The following NELL2 variants were observed in gnomAD, a reference collection of about 807,000 sequenced individuals.
The protein encoded by NELL2 is neural EGFL like 2.
In NELL2, 41 loss-of-function variants were observed where a neutral mutation model predicts 109.6. The ratio of observed to expected loss-of-function variants is 0.37; its 90% CI spans 0.29 to 0.49. The LOEUF is 0.49. NELL2 is among the 20% of genes least tolerant of loss of function. The pLI is 0.98. For synonymous variants in NELL2, 355 were observed against 344.7 expected (o/e 1.03, Z -0.33); for missense variants, 900 against 1,008.3 (o/e 0.89, Z 1.45).
chr12:44,855,037 T>C (rs1944643655), intron 2 of NELL2, among the ~76,000 whole-genome samples: 2 of 152,206 alleles, frequency 1.3e-5, no homozygotes, highest in South Asian at 4.1e-4. Context: ...CTATCCAAAA[T>C]ATTATTCCAA....
chr12:44,694,866 C>T (rs866980702), intron 12 of NELL2, among the ~76,000 whole-genome samples: 1 of 152,114 alleles, frequency 6.6e-6, no homozygotes, highest in African/African-American at 2.4e-5. Flanking sequence ...GTGAGGCTAT[C>T]GCTCATCTTA....
At chr12:44,815,903 G>T in intron 3 of NELL2, 83 bp downstream of exon 3, 1 of 1,463,662 alleles carries the variant, frequency 6.8e-7, no homozygotes, top group Non-Finnish European at 9.2e-7. Flanking sequence ...TACAAGAGAA[G>T]AAAGCTTTTG....
intron 15 of NELL2, among the ~76,000 whole-genome samples, chr12:44,541,220 C>G (rs1286108469): frequency 2.4e-5 from 3 of 123,986 alleles, no homozygotes; most frequent in Non-Finnish European, 3.1e-5. Context: ...CACTGCACTC[C>G]AGCCTGGGAG....
At chr12:44,649,798 A>G (rs1023071979) in intron 13 of NELL2, among the ~76,000 whole-genome samples, 2 of 152,176 alleles carry the variant, frequency 1.3e-5, no homozygotes, top group African/African-American at 4.8e-5. Context: ...CTAACAGGAC[A>G]CTGAGATTCA....
At chr12:44,698,728 A>G (rs1431618987) in intron 12 of NELL2, among the ~76,000 whole-genome samples, 8 of 152,196 alleles carry the variant, frequency 5.3e-5, no homozygotes, top group Admixed American at 5.2e-4. Context: ...CTTACTTTAA[A>G]ATTCATTAAT....
At chr12:44,577,386 T>C (rs532738140) in intron 15 of NELL2, among the ~76,000 whole-genome samples, 142 of 145,824 alleles carry the variant, frequency 9.7e-4, no homozygotes, top group African/African-American at 3.5e-3. Context: ...CACTTTTTGA[T>C]GGGGTTGTTT....
At chr12:44,808,205 A>T (rs939545790) in intron 3 of NELL2, among the ~76,000 whole-genome samples, 3 of 152,082 alleles carry the variant, frequency 2.0e-5, no homozygotes, top group African/African-American at 7.2e-5. Flanking sequence ...GGGAAAAAAA[A>T]TGCCTCGCTT....
intron 13 of NELL2, among the ~76,000 whole-genome samples, chr12:44,618,147 A>G (rs187790441): frequency 1.9e-3 from 288 of 152,306 alleles, no homozygotes; most frequent in African/African-American, 6.7e-3. Context: ...AGTGACTGCC[A>G]GAAGTCATAC....
chr12:44,727,688 T>C (rs927501861), intron 9 of NELL2, among the ~76,000 whole-genome samples: 1 of 152,090 alleles, frequency 6.6e-6, no homozygotes, highest in Non-Finnish European at 1.5e-5. Context: ...TCGTATTTTA[T>C]TCTTTTCAGA....
rs375060862 is a variant in NELL2 at position 44,852,231 on chromosome 12, A to G, written c.184+22994T>C. On this transcript the variant is annotated intron_variant, in intron 2 of 19. Transcript: ENST00000429094. ...AATTATCTAAAGAATGTATTTCTAC[A>G]GATTCATATCTTAACATACACTGCT... Among the ~76,000 whole-genome samples the G allele has an allele frequency of 1.3e-4, 20 of 152,348 alleles. No homozygotes were observed. The East Asian group carries it at 1.5e-3, about 12-fold the overall frequency.
chr12:44,661,637 T>A (rs1413030658), intron 13 of NELL2, among the ~76,000 whole-genome samples: 1 of 151,772 alleles, frequency 6.6e-6, no homozygotes, highest in Admixed American at 6.6e-5. Flanking sequence ...CAAGAAGAGA[T>A]TCCCAGTAAA....
At chr12:44,597,469 C>A (rs1267204358) in intron 15 of NELL2, among the ~76,000 whole-genome samples, 1 of 151,940 alleles carries the variant, frequency 6.6e-6, no homozygotes, top group Non-Finnish European at 1.5e-5. Context: ...TTTCATAGAC[C>A]CTGTTTCTTT....
At chr12:44,606,481 C>T (rs1945404342) in intron 15 of NELL2, among the ~76,000 whole-genome samples, 1 of 152,110 alleles carries the variant, frequency 6.6e-6, no homozygotes, top group Non-Finnish European at 1.5e-5. Flanking sequence ...AAAACCACTA[C>T]TAGTATGATT....
At chr12:44,711,950 TA>T (rs1166991877) in intron 10 of NELL2, among the ~76,000 whole-genome samples, 3 of 152,150 alleles carry the variant, frequency 2.0e-5, no homozygotes, top group South Asian at 4.1e-4. Flanking sequence ...AATTGGCACT[TA>T]AAAAATTTCT....
intron 2 of NELL2, among the ~76,000 whole-genome samples, chr12:44,821,989 C>T (rs1189420256): frequency 6.6e-6 from 1 of 151,680 alleles, no homozygotes. Context: ...TGGTCTTGAA[C>T]TTCTGGCTGC....
rs141214298 is a variant in NELL2 at position 44,799,244 on chromosome 12, C to A, written c.335+16742G>T. Among the ~76,000 whole-genome samples the A allele has an allele frequency of 4.6e-5, 7 of 152,166 alleles. No individual in the cohort carries two copies. In the South Asian group the frequency reaches 1.5e-3, roughly 32 times the overall value. ...AAGTGCTGGGACTACAGGTGTGAGA[C>A]ACCGTGCCCGGCCCGATTTCCACTT... On this transcript the variant is annotated intron_variant, in intron 3 of 19. Transcript: ENST00000429094.
chr12:44,867,781 C>T (rs11615964), intron 2 of NELL2, among the ~76,000 whole-genome samples: 43,504 of 151,984 alleles, frequency 0.29, 7,396 homozygotes, highest in South Asian at 0.57. Flanking sequence ...AGTAGAGTTT[C>T]AGGATATCAA....
chr12:44,699,318 C>A (rs1192890117), intron 12 of NELL2, among the ~76,000 whole-genome samples: 2 of 152,002 alleles, frequency 1.3e-5, no homozygotes, highest in Non-Finnish European at 2.9e-5. Flanking sequence ...CAATATACTT[C>A]CAGACATTCT....
At chr12:44,569,384 T>C (rs1943778277) in intron 15 of NELL2, among the ~76,000 whole-genome samples, 1 of 152,176 alleles carries the variant, frequency 6.6e-6, no homozygotes, top group Admixed American at 6.6e-5. Flanking sequence ...TTTACACTCC[T>C]TTGGATATAT....
Sources: gnomAD v4.1 joint callset for allele counts (sites outside exome capture counted in the v4.1 genomes callset) on GRCh38, gnomAD v4.1.1 for gene constraint, MANE v1.5 for transcripts, NCBI Gene and HGNC (gene_info 2026-07-23, HGNC 2026-07-21) for gene names.